DNAH14: variants seen among roughly 807,000 people sequenced by gnomAD.
The protein encoded by DNAH14 is axonemal beta dynein heavy chain 14.
Under a neutral mutation model 520.9 loss-of-function variants are expected in DNAH14, and 478 were observed. The ratio of observed to expected loss-of-function variants is 0.92; its 90% CI spans 0.85 to 0.99. The LOEUF (loss-of-function observed/expected upper bound fraction) is 0.99. DNAH14 is among the 50% of genes least tolerant of loss of function. The pLI, the probability that DNAH14 is intolerant of heterozygous loss-of-function variation, is 0.00. For missense variants in DNAH14, 4,831 were observed against 5,234.5 expected, an observed-to-expected ratio of 0.92 and a Z score of 2.38; for synonymous variants, 1,581 against 1,757.2, an observed-to-expected ratio of 0.90 and a Z score of 2.51.
chr1:225,367,733 A>G, intron 76 of DNAH14, 72 bp from the exon 77 acceptor site: 1 of 1,067,258 alleles, frequency 9.4e-7, no homozygotes. Flanking sequence ...AGTGTTGTAG[A>G]AAGACAAGTG....
intron 10 of DNAH14, among the ~76,000 whole-genome samples, chr1:225,011,663 G>A (rs1476500605): frequency 6.6e-6 from 1 of 151,020 alleles, no homozygotes; most frequent in Non-Finnish European, 1.5e-5. Context: ...TTGTTGGGTT[G>A]ATCCCTTTAC....
chr1:224,972,143 A>G (rs182887080), intron 7 of DNAH14, among the ~76,000 whole-genome samples: 170 of 150,778 alleles, frequency 1.1e-3, no homozygotes, highest in African/African-American at 3.8e-3. Context: ...TTTTTACATG[A>G]CATTTGGCAT....
intron 8 of DNAH14, among the ~76,000 whole-genome samples, chr1:224,983,280 T>C (rs1156890031): frequency 6.6e-6 from 1 of 152,206 alleles, no homozygotes; most frequent in Non-Finnish European, 1.5e-5. Context: ...CCTGCTTGCT[T>C]TTGGTGACCA....
At chr1:225,344,469 AAT>A (rs2095254403) in intron 69 of DNAH14, among the ~76,000 whole-genome samples, 1 of 152,176 alleles carries the variant, frequency 6.6e-6, no homozygotes, top group Non-Finnish European at 1.5e-5. Flanking sequence ...TATAAATGAA[AAT>A]ATGCAGTGTT....
intron 20 of DNAH14, among the ~76,000 whole-genome samples, chr1:225,084,828 A>G (rs1205771230): frequency 6.6e-6 from 1 of 152,110 alleles, no homozygotes; most frequent in Admixed American, 6.5e-5. Flanking sequence ...TGCTTTACAC[A>G]TTATCAGTGT....
At chr1:225,031,032 T>G (rs1311266082) in intron 11 of DNAH14, among the ~76,000 whole-genome samples, 1 of 152,042 alleles carries the variant, frequency 6.6e-6, no homozygotes, top group Non-Finnish European at 1.5e-5. Flanking sequence ...TTCCTTTGTT[T>G]AGATCTTCTT....
chr1:225,176,182 T>A (rs1373451925), intron 36 of DNAH14, among the ~76,000 whole-genome samples: 1 of 152,218 alleles, frequency 6.6e-6, no homozygotes, highest in Non-Finnish European at 1.5e-5. Flanking sequence ...ATTTTTTAAA[T>A]TATTTTTTAA....
intron 16 of DNAH14, 31 bp from the exon 17 acceptor site, chr1:225,051,420 C>A: frequency 7.2e-7 from 1 of 1,387,886 alleles, no homozygotes; most frequent in Non-Finnish European, 9.5e-7. Context: ...AATAAAAATT[C>A]TGACTAACAT....
intron 34 of DNAH14, among the ~76,000 whole-genome samples, chr1:225,158,542 A>G (rs1222246296): frequency 1.3e-5 from 2 of 152,090 alleles, no homozygotes; most frequent in Non-Finnish European, 2.9e-5. Context: ...TCGCTTGTCT[A>G]CCCTTGAGTC....
intron 35 of DNAH14, among the ~76,000 whole-genome samples, chr1:225,166,608 G>A (rs1016125162): frequency 1.3e-5 from 2 of 152,098 alleles, no homozygotes; most frequent in Non-Finnish European, 2.9e-5. Context: ...AAAATATTCT[G>A]TAGTTGTGCT....
intron 52 of DNAH14, among the ~76,000 whole-genome samples, chr1:225,274,197 A>ATTTTTTTTTTTTTTTTTTT (rs869247051): frequency 1.1e-5 from 1 of 92,882 alleles, no homozygotes; most frequent in Admixed American, 1.4e-4. Flanking sequence ...AGCATCTGTT[A>ATTTTTTTTTTTTTTTTTTT]TTTTTTTTTT....
At chr1:224,962,854 AAC>A (rs1198319875) in intron 4 of DNAH14, among the ~76,000 whole-genome samples, 22 of 152,162 alleles carry the variant, frequency 1.4e-4, no homozygotes, top group Non-Finnish European at 3.2e-4. Flanking sequence ...TCCATTTTCG[AAC>A]AGTCTTTGTC....
chr1:225,272,729 C>T (rs75213997), intron 51 of DNAH14, among the ~76,000 whole-genome samples: 8,737 of 152,052 alleles, frequency 0.057, 485 homozygotes, highest in East Asian at 0.24. Flanking sequence ...CTGAGGAGTC[C>T]CCAAGTCCCC....
In DNAH14 at chr1:225,333,481, T is replaced by C. The variant is rs530646508; in HGVS notation, c.10055T>C (p.Ile3352Thr). 4 of 1,551,066 alleles carry C rather than the reference T, an allele frequency of 2.6e-6. No homozygotes were observed. In the African/African-American group the frequency reaches 5.5e-5, roughly 21 times the overall value. Reference sequence around the variant, plus strand: ...TCTTTGTCTTCCAAATTCTCTTTAATTAAAGTTATGGCACAAAAATATGAG... The same window carrying C: ...TCTTTGTCTTCCAAATTCTCTTTAACTAAAGTTATGGCACAAAAATATGAG... ...GISLSSKFSL[I>T]KVMAQKYEIS... Residue 3352 changes from isoleucine to threonine, a missense_variant, in exon 66 of 86, where the codon ATT (isoleucine) becomes ACT (threonine). Physicochemically the swap from Ile to Thr is moderately conservative, Grantham distance 89 (BLOSUM62 -1). Coordinates refer to ENST00000682510, the MANE Select transcript of DNAH14 (RefSeq NM_001367479.1).
chr1:225,118,131 A>G (rs746428932), intron 25 of DNAH14, 132 bp downstream of exon 25: 4 of 765,402 alleles, frequency 5.2e-6, no homozygotes, highest in East Asian at 2.7e-5. Flanking sequence ...CCTTACGTAA[A>G]TATACTTTTG....
chr1:225,030,258 G>A lies in DNAH14; in HGVS notation c.1358+6393G>A, dbSNP rs546099351. 3.3e-5 allele frequency among the ~76,000 whole-genome samples: 5 copies of A among 152,010 alleles called. No homozygotes were observed. In the East Asian group the frequency reaches 9.6e-4, roughly 29 times the overall value. On this transcript the variant is annotated intron_variant, in intron 11 of 85. Transcript: ENST00000682510. ...AAACTTACTATAGGCAGCAAAGGCA[G>A]TGCTTAGAGGGAATTTATACATGTA...
chr1:225,138,699 G>A (rs183399112), intron 27 of DNAH14, among the ~76,000 whole-genome samples: 3 of 152,188 alleles, frequency 2.0e-5, no homozygotes, highest in South Asian at 2.1e-4. Context: ...ATGGTTTCCC[G>A]GGTGGGGTTG....
At position 225,340,466 on chromosome 1, in the gene DNAH14, A is replaced by G; in HGVS notation, c.10443A>G (p.Leu3481=). 1 of 1,550,310 alleles carries G rather than the reference A, an allele frequency of 6.5e-7. No homozygotes were observed. The highest frequency in any genetic ancestry group is 8.7e-7 in the Non-Finnish European group (1 of 1,146,006). ...CCTTTCTCATGTTCAGGTTATACTT[A>G]TCTACAGAAATAGACAACCCCCATT... The part of the protein sequence containing the change: ...FEYNSNFRLY[L]STEIDNPHFL... The change falls in exon 69 of 86, where the codon TTA becomes TTG. Residue 3481 remains leucine (L), a synonymous_variant. Coordinates refer to ENST00000682510, the MANE Select transcript of DNAH14 (RefSeq NM_001367479.1).
chr1:225,209,585 T>C lies in DNAH14; in HGVS notation c.6439+2365T>C, dbSNP rs536557072. Reference sequence around the variant, plus strand: ...ATAATACCTAAGATTAAAGAACGATTCTAAGAAATTTCAGAGGATAAAGAC... The same window carrying C: ...ATAATACCTAAGATTAAAGAACGATCCTAAGAAATTTCAGAGGATAAAGAC... On this transcript the variant is annotated intron_variant, in intron 41 of 85. Coordinates refer to ENST00000682510, the MANE Select transcript of DNAH14 (RefSeq NM_001367479.1). 2.0e-5 allele frequency among the ~76,000 whole-genome samples: 3 copies of C among 152,226 alleles called. No individual in the cohort carries two copies. In the East Asian group the frequency reaches 5.8e-4, roughly 29 times the overall value.
Sources: gnomAD v4.1 joint callset for allele counts (sites outside exome capture counted in the v4.1 genomes callset) on GRCh38, gnomAD v4.1.1 for gene constraint, MANE v1.5 for transcripts, NCBI Gene and HGNC (gene_info 2026-07-23, HGNC 2026-07-21) for gene names.